Variants in SUSD4 observed in about 807,000 individuals in gnomAD.
SUSD4 encodes sushi domain-containing protein 4.
A neutral mutation model predicts 50.5 loss-of-function variants in SUSD4; 41 were observed. The ratio of observed to expected loss-of-function variants is 0.81; its 90% CI spans 0.63 to 1.05. The LOEUF (loss-of-function observed/expected upper bound fraction) is 1.05, where lower values mean the gene tolerates loss of function less well. Ranked by LOEUF, SUSD4 falls within the 50% of genes least tolerant of loss-of-function variation. The pLI is 0.00. For synonymous variants in SUSD4, 257 were observed against 257.3 expected, an observed-to-expected ratio of 1.00 and a Z score of 0.01; for missense variants, 580 against 634.7, an observed-to-expected ratio of 0.91 and a Z score of 0.93.
chr1:223,330,553 G>A (rs1268598921), intron 2 of SUSD4, among the ~76,000 whole-genome samples: 1 of 152,112 alleles, frequency 6.6e-6, no homozygotes, highest in African/African-American at 2.4e-5. Context: ...CAGGTTAGTC[G>A]ATGGCAAAAG....
chr1:223,260,938 C>G (rs1011747499), intron 5 of SUSD4, among the ~76,000 whole-genome samples: 24 of 152,182 alleles, frequency 1.6e-4, no homozygotes, highest in African/African-American at 5.8e-4. Context: ...AACACTGACC[C>G]TCACAAAGTG....
intron 5 of SUSD4, chr1:223,263,791 T>A (rs539526189): frequency 1.0e-6 from 1 of 985,464 alleles, no homozygotes; most frequent in East Asian, 1.1e-4. Flanking sequence ...TTGTAAGAAC[T>A]CATTTGTTTC....
At chr1:223,225,646 CCT>C (rs1289715891) in intron 7 of SUSD4, among the ~76,000 whole-genome samples, 1 of 152,200 alleles carries the variant, frequency 6.6e-6, no homozygotes, top group Non-Finnish European at 1.5e-5. Flanking sequence ...CTTGTGCTGG[CCT>C]CCTCTTCTCA....
chr1:223,279,008 G>C (rs1387141291), intron 3 of SUSD4, among the ~76,000 whole-genome samples: 1 of 152,094 alleles, frequency 6.6e-6, no homozygotes, highest in Non-Finnish European at 1.5e-5. Flanking sequence ...CTGTTAGAAG[G>C]GTCCTGACTG....
intron 2 of SUSD4, among the ~76,000 whole-genome samples, chr1:223,293,339 A>C (rs1023671724): frequency 6.6e-6 from 1 of 152,032 alleles, no homozygotes; most frequent in Non-Finnish European, 1.5e-5. Flanking sequence ...ACTTTGTTCC[A>C]CTGCTGTAGC....
In SUSD4 at chr1:223,221,116, G is replaced by A; in HGVS notation, c.*1076C>T. ...GAATGCAGGAATGATAGGCAGGTGA[G>A]GTGGCTGAGCTATCTGGGCTGGGAG... On this transcript the variant is annotated 3_prime_UTR_variant, in exon 9 of 9. Transcript: ENST00000366878. The A allele has an allele frequency of 2.5e-6, 1 of 400,854 alleles. No homozygotes were observed. 24.8% of individuals were successfully genotyped at this position (400,854 alleles called of 1,614,324 possible).
chr1:223,304,793 C>CATATAT (rs57599818), intron 2 of SUSD4, among the ~76,000 whole-genome samples: 1 of 53,598 alleles, frequency 1.9e-5, no homozygotes, highest in Non-Finnish European at 3.0e-5. Context: ...CTCAGGTTTC[C>CATATAT]ATATATATAT....
intron 2 of SUSD4, among the ~76,000 whole-genome samples, chr1:223,334,452 T>C (rs896072564): frequency 2.0e-5 from 3 of 152,148 alleles, no homozygotes; most frequent in Non-Finnish European, 2.9e-5. Flanking sequence ...AGAATATTTT[T>C]TAAATTCCCA....
chr1:223,305,422 C>A (rs1665475308), intron 2 of SUSD4, among the ~76,000 whole-genome samples: 1 of 151,684 alleles, frequency 6.6e-6, no homozygotes, highest in Non-Finnish European at 1.5e-5. Flanking sequence ...GAGCTCAGAG[C>A]AAAAAAGGAG....
chr1:223,262,716 G>A (rs1278189493), intron 5 of SUSD4, among the ~76,000 whole-genome samples: 1 of 152,116 alleles, frequency 6.6e-6, no homozygotes, highest in Admixed American at 6.5e-5. Context: ...AGCCAGTGTT[G>A]CATTGAAAGT....
At chr1:223,348,235 CTG>C (rs1205715640) in intron 2 of SUSD4, among the ~76,000 whole-genome samples, 1 of 152,164 alleles carries the variant, frequency 6.6e-6, no homozygotes, top group Non-Finnish European at 1.5e-5. Context: ...ACAGAGATAA[CTG>C]AGACAAAAGC....
chr1:223,275,496 G>A (rs984359045), intron 3 of SUSD4, among the ~76,000 whole-genome samples: 3 of 152,206 alleles, frequency 2.0e-5, no homozygotes, highest in African/African-American at 4.8e-5. Context: ...AAGAAGGCAT[G>A]TCAAATGCCC....
At chr1:223,263,134 G>C (rs972276170) in intron 5 of SUSD4, among the ~76,000 whole-genome samples, 2 of 152,106 alleles carry the variant, frequency 1.3e-5, no homozygotes, top group Admixed American at 1.3e-4. Flanking sequence ...TCGTAACAAC[G>C]ATATCTTTAA....
Position 223,332,476 on chromosome 1 carries a change from C to T in SUSD4, c.148+30802G>A, listed in dbSNP as rs1667229446. Among the ~76,000 whole-genome samples, 1 of 152,184 alleles carries T rather than the reference C, an allele frequency of 6.6e-6. No individual in the cohort carries two copies. Among genetic ancestry groups the T allele is most frequent in the Non-Finnish European group, 1.5e-5 (1 of 68,030 alleles). ...AACAATTTTCAGGCACTAGCATTAC[C>T]TAACACCAGCTTTCCTAGTTCATTG... On this transcript the variant is annotated intron_variant, in intron 2 of 8. Coordinates refer to ENST00000366878, the MANE Select transcript of SUSD4 (RefSeq NM_017982.4). This position sits in a 1 kb window ranked among gnomAD's most constrained non-coding sequence, Gnocchi z 4.0.
intron 5 of SUSD4, among the ~76,000 whole-genome samples, chr1:223,243,348 T>TG (rs1232668955): frequency 6.6e-6 from 1 of 152,200 alleles, no homozygotes; most frequent in Non-Finnish European, 1.5e-5. Context: ...TTTGGAGAGA[T>TG]GGGGCTTCCT....
intron 3 of SUSD4, among the ~76,000 whole-genome samples, chr1:223,288,202 G>A (rs1413443555): frequency 6.6e-6 from 1 of 152,166 alleles, no homozygotes; most frequent in African/African-American, 2.4e-5. Flanking sequence ...CCCTCATGCT[G>A]TTCTCGTGAT....
chr1:223,330,223 AC>A (rs1211126472), intron 2 of SUSD4, among the ~76,000 whole-genome samples: 3 of 152,178 alleles, frequency 2.0e-5, no homozygotes, highest in Non-Finnish European at 4.4e-5. Context: ...TACTGCCACC[AC>A]TAAATTAAAA....
intron 5 of SUSD4, chr1:223,234,904 A>C: frequency 1.3e-6 from 2 of 1,552,040 alleles, no homozygotes; most frequent in Non-Finnish European, 1.7e-6. Flanking sequence ...GTATAGGATA[A>C]AAATGGAATG....
At chr1:223,266,729 G>A (rs75879870) in intron 4 of SUSD4, among the ~76,000 whole-genome samples, 2,490 of 152,298 alleles carry the variant, frequency 0.016, 53 homozygotes, top group African/African-American at 0.056. Flanking sequence ...TTTAGCTCCT[G>A]GATCTATAGG....
Sources: allele counts gnomAD v4.1 joint callset (sites outside exome capture counted in the v4.1 genomes callset), GRCh38; gene constraint gnomAD v4.1.1; non-coding constraint Gnocchi (gnomAD v3.1); transcripts MANE v1.5; gene names NCBI Gene and HGNC (gene_info 2026-07-23, HGNC 2026-07-21).